TDRD6: variants seen among roughly 807,000 people sequenced by gnomAD.
TDRD6 encodes the protein tudor domain containing 6, also known as tudor domain-containing protein 6.
TDRD6 carries 186 observed loss-of-function variants against 157.5 expected under a neutral mutation model. That is an observed-to-expected ratio of 1.18 (90% CI 1.05 to 1.33). The LOEUF (loss-of-function observed/expected upper bound fraction) is 1.33, where lower values mean the gene tolerates loss of function less well. Ranked by LOEUF, TDRD6 falls within the 40% of genes most tolerant of loss-of-function variation. The pLI, the probability that TDRD6 is intolerant of heterozygous loss-of-function variation, is 0.00. For synonymous variants in TDRD6, 1,075 were observed against 945.2 expected, an observed-to-expected ratio of 1.14 and a Z score of -2.52; for missense variants, 3,066 against 2,508.0, an observed-to-expected ratio of 1.22 and a Z score of -4.75.
chr6:46,691,423 TC>T lies in TDRD6; in HGVS notation c.3296del (p.Ser1099TyrfsTer22), dbSNP rs1200752584. The T allele has an allele frequency of 6.2e-7, 1 of 1,613,992 alleles. No individual in the cohort carries two copies. Among genetic ancestry groups the T allele is most frequent in the African/African-American group, 1.3e-5 (1 of 74,936 alleles). ...LLLPMQAVRC[S>X]LSDIPDHIPE... ...TTTGCCCATGCAAGCTGTCAGATGT[TC>T]ATTATCTGATATTCCTGATCATATA... On this transcript the variant is annotated frameshift_variant, in exon 1 of 4. Transcript: ENST00000316081. LOFTEE classifies it high-confidence loss of function.
chr6:46,687,873 T>G, upstream of TDRD6: 15 of 450,522 alleles, frequency 3.3e-5, no homozygotes, highest in South Asian at 8.6e-5. Flanking sequence ...CGGCGCCGAG[T>G]GAGGTAAATG....
At chr6:46,683,585 G>A (rs996443677), upstream of TDRD6, among the ~76,000 whole-genome samples, 2 of 152,038 alleles carry the variant, frequency 1.3e-5, no homozygotes, top group Admixed American at 1.3e-4. Context: ...ATATGAAAGT[G>A]TGAGTTTTAC....
At chr6:46,701,386 CTT>C (rs1400480608) in intron 3 of TDRD6, among the ~76,000 whole-genome samples, 2 of 152,046 alleles carry the variant, frequency 1.3e-5, no homozygotes, top group South Asian at 2.1e-4. Flanking sequence ...TAAATAATCT[CTT>C]GGAATTTCTG....
chr6:46,690,380 T>G lies in TDRD6; in HGVS notation c.2252T>G (p.Leu751Arg), dbSNP rs1242392702. 1.1e-5 allele frequency: 18 copies of G among 1,613,858 alleles called. No individual in the cohort carries two copies. The highest frequency in any genetic ancestry group is 1.5e-5 in the Non-Finnish European group (18 of 1,180,020). Residue 751 changes from leucine to arginine, a missense_variant, in exon 1 of 4, where the codon CTT (leucine) becomes CGT (arginine). Leu to Arg is a moderately radical substitution (Grantham distance 102). Coordinates refer to ENST00000316081, the MANE Select transcript of TDRD6 (RefSeq NM_001010870.3). ...AAAAGAGCATCTGTTTATTTTCCTC[T>G]TATGCAGAATTGCTTGGAAATTAAG... ...KVKRASVYFP[L>R]MQNCLEIKPG...
intron 3 of TDRD6, among the ~76,000 whole-genome samples, chr6:46,700,692 A>G (rs1764603273): frequency 6.6e-6 from 1 of 152,116 alleles, no homozygotes; most frequent in Non-Finnish European, 1.5e-5. Context: ...CCCCTTGAAC[A>G]ATGATGTCCC....
chr6:46,682,932 T>G (rs1763998265), upstream of TDRD6, among the ~76,000 whole-genome samples: 1 of 151,918 alleles, frequency 6.6e-6, no homozygotes, highest in South Asian at 2.1e-4. Context: ...GCAATTCTAA[T>G]AAAACCCCAG....
rs773380018 is a variant in TDRD6 at position 46,688,161 on chromosome 6, G to C, written c.33G>C (p.Gly11=). The part of the protein sequence containing the change: MCSTPGMPAP[G]ASLALRVSFV... ...CGACGCCCGGAATGCCGGCGCCGGG[G>C]GCCTCGCTGGCCCTGCGGGTGTCCT... Residue 11 remains glycine (G), a synonymous_variant, in exon 1 of 4, where the codon GGG becomes GGC. Coordinates refer to ENST00000316081, the MANE Select transcript of TDRD6 (RefSeq NM_001010870.3). 5.2e-5 allele frequency: 81 copies of C among 1,545,338 alleles called. No homozygotes were observed. The highest frequency in any genetic ancestry group is 6.9e-5 in the Non-Finnish European group (80 of 1,152,250).
intron 3 of TDRD6, chr6:46,701,178 G>A (rs1396077173): frequency 1.6e-5 from 3 of 191,038 alleles, no homozygotes; most frequent in Non-Finnish European, 3.4e-5. Context: ...TTGGACATAG[G>A]TAGCAGGGAA....
chr6:46,688,633 T>G lies in TDRD6; in HGVS notation c.505T>G (p.Cys169Gly). Residue 169 changes from cysteine (C) to glycine (G), a missense_variant, in exon 1 of 4, where the codon TGC (cysteine) becomes GGC (glycine). Physicochemically the swap from Cys to Gly is radical, Grantham distance 159. Coordinates refer to ENST00000316081, the MANE Select transcript of TDRD6 (RefSeq NM_001010870.3). ...CCTTCAGGGCAAGGAGGTGCACGGG[T>G]GCGTCCTGGACGTGCTGCTGCTCCA... ...SNLQGKEVHG[C>G]VLDVLLLHRL... is the part of the protein sequence containing the mutation. 6.3e-7 allele frequency: 1 copy of G among 1,599,114 alleles called. No individual in the cohort carries two copies. Among genetic ancestry groups the G allele is most frequent in the African/African-American group, 1.3e-5 (1 of 75,024 alleles).
At chr6:46,681,943 G>A in the TDRD6 span, among the ~76,000 whole-genome samples, 1 of 151,854 alleles carries the variant, frequency 6.6e-6, no homozygotes, top group African/African-American at 2.4e-5. Context: ...GTTTCAGTTT[G>A]GGATGATGAA....
At chr6:46,686,304 T>C (rs943391479), upstream of TDRD6, among the ~76,000 whole-genome samples, 2 of 152,168 alleles carry the variant, frequency 1.3e-5, no homozygotes, top group Non-Finnish European at 2.9e-5. Flanking sequence ...TTCTTTCCAC[T>C]GTAAAGGCCA....
In TDRD6 at chr6:46,687,995, C is replaced by G; in HGVS notation, c.-134C>G. On this transcript the variant is annotated 5_prime_UTR_variant, in exon 1 of 4. Transcript: ENST00000316081. ...GGGAGTTGCCGAGAAAAGGCCTCGC[C>G]GGCATTCTTCCCCTCCACTGGGTCC... is the stretch of plus-strand genomic sequence containing the variant. The G allele has an allele frequency of 1.5e-6, 2 of 1,323,456 alleles. No individual in the cohort carries two copies. Among genetic ancestry groups the G allele is most frequent in the East Asian group, 6.1e-5 (2 of 32,752 alleles). The allele number at this position is 1,323,456 out of a possible 1,614,324, so 82.0% of individuals were successfully genotyped here. A position where few individuals can be genotyped will look rare whatever the true frequency, so the allele number is the denominator to read the frequency against.
Position 46,694,037 on chromosome 6 carries a change from A to T in TDRD6, c.5909A>T (p.Asn1970Ile), listed in dbSNP as rs560420845. The T allele has an allele frequency of 6.2e-7, 1 of 1,613,912 alleles. No individual in the cohort carries two copies. The highest frequency in any genetic ancestry group is 8.5e-7 in the Non-Finnish European group (1 of 1,179,990). Residue 1970 changes from asparagine (N) to isoleucine (I), a missense_variant, in exon 1 of 4, where the codon AAT becomes ATT. Asn to Ile is a moderately radical substitution (Grantham distance 149). Coordinates refer to ENST00000316081, the MANE Select transcript of TDRD6 (RefSeq NM_001010870.3). ...GCAGATTGTGATCCTAAAACACAGA[A>T]TGAAATGAATATATGTGAAGAAGAA... ...HGADCDPKTQNEMNICEEEFV... is the reference protein window; with the variant it reads ...HGADCDPKTQIEMNICEEEFV...
chr6:46,691,243 T>C lies in TDRD6; in HGVS notation c.3115T>C (p.Leu1039=), dbSNP rs1409307338. ...AACATCTCCCTTGAACCCTGGAACC[T>C]TGTGCCTTGCCAAGTATACTGATGG... The part of the protein sequence containing the change: ...LKTSPLNPGT[L]CLAKYTDGNW... The change falls in exon 1 of 4, where the codon TTG becomes CTG. Residue 1039 remains leucine (L), a synonymous_variant. Transcript: ENST00000316081. 2 of 1,614,084 alleles carry C rather than the reference T, an allele frequency of 1.2e-6. No homozygotes were observed. The highest frequency in any genetic ancestry group is 4.5e-5 in the East Asian group (2 of 44,872).
chr6:46,689,113 G>A lies in TDRD6; in HGVS notation c.985G>A (p.Ala329Thr), dbSNP rs748384661. The change falls in exon 1 of 4, where the codon GCA (alanine) becomes ACA (threonine). Residue 329 changes from alanine to threonine, a missense_variant. Physicochemically the swap from Ala to Thr is moderately conservative, Grantham distance 58. Coordinates refer to ENST00000316081, the MANE Select transcript of TDRD6 (RefSeq NM_001010870.3). ...TGGCCTGGATGGACATTGGTACAGA[G>A]CACTGTTGCTTGAGACTTTTCGGCC... ...SCGLDGHWYR[A>T]LLLETFRPQR... 5 of 1,614,148 alleles carry A rather than the reference G, an allele frequency of 3.1e-6. No individual in the cohort carries two copies. Among genetic ancestry groups the A allele is most frequent in the South Asian group, 2.2e-5 (2 of 91,086 alleles).
At chr6:46,696,523 G>GTATATGTAATATATA (rs1764501837) in intron 2 of TDRD6, among the ~76,000 whole-genome samples, 1 of 130,950 alleles carries the variant, frequency 7.6e-6, no homozygotes, top group African/African-American at 2.9e-5. Flanking sequence ...ATATATATGT[G>GTATATGTAATATATA]TGTATATATG....
In TDRD6 at chr6:46,690,163, G is replaced by C; in HGVS notation, c.2035G>C (p.Val679Leu). ...ATTTGAAACAAAGGAAAATATCCTG[G>C]TAAATGCCCACTCCCCAGGGCATGT... ...QEFETKENIL[V>L]NAHSPGHVSN... Residue 679 changes from valine (V) to leucine (L), a missense_variant, in exon 1 of 4, where the codon GTA (valine) becomes CTA (leucine). By Grantham distance (32) the Val-to-Leu change is conservative (BLOSUM62 1). Transcript: ENST00000316081. 6.2e-7 allele frequency: 1 copy of C among 1,613,444 alleles called. No homozygotes were observed. The highest frequency in any genetic ancestry group is 8.5e-7 in the Non-Finnish European group (1 of 1,179,842).
chr6:46,687,823 G>C, upstream of TDRD6: 1 of 339,522 alleles, frequency 2.9e-6, no homozygotes, highest in Non-Finnish European at 5.3e-6. Flanking sequence ...CCAACCCCAG[G>C]CCTCGGCTGG....
chr6:46,697,667 G>A (rs777711771), intron 2 of TDRD6, among the ~76,000 whole-genome samples: 29 of 151,400 alleles, frequency 1.9e-4, no homozygotes, highest in Non-Finnish European at 4.0e-4. Flanking sequence ...CAGGTGGATC[G>A]CTTGAGCCAA....
Sources: gnomAD v4.1 joint callset for allele counts (sites outside exome capture counted in the v4.1 genomes callset) on GRCh38, gnomAD v4.1.1 for gene constraint, MANE v1.5 for transcripts, NCBI Gene and HGNC (gene_info 2026-07-23, HGNC 2026-07-21) for gene names.